P2RX3: variants seen among roughly 807,000 people sequenced by gnomAD.
The protein encoded by P2RX3 is purinergic receptor P2X 3.
In P2RX3, 41 loss-of-function variants were observed where a neutral mutation model predicts 51.5. That is an observed-to-expected ratio of 0.80 (90% CI 0.62 to 1.03). The LOEUF is 1.03. Among genes scored for constraint, P2RX3 ranks in the 50% least tolerant of loss-of-function variants. The pLI is 0.00. For missense variants in P2RX3, 459 were observed against 522.1 expected, an observed-to-expected ratio of 0.88 and a Z score of 1.18; for synonymous variants, 185 against 191.6, an observed-to-expected ratio of 0.97 and a Z score of 0.29.
At chr11:57,365,344 C>T (rs1342423017) in intron 8 of P2RX3, among the ~76,000 whole-genome samples, 4 of 152,216 alleles carry the variant, frequency 2.6e-5, no homozygotes, top group East Asian at 1.9e-4. Flanking sequence ...CCTAGGCTGG[C>T]GGGAGTGAGG....
At chr11:57,360,935 CT>C (rs1856708544) in intron 8 of P2RX3, among the ~76,000 whole-genome samples, 1 of 152,200 alleles carries the variant, frequency 6.6e-6, no homozygotes, top group South Asian at 2.1e-4. Context: ...AAAGGCAGCC[CT>C]GGGGGATGTC....
rs1172945142 is a variant in P2RX3, at chr11:57,348,319, C to T, written c.485+56C>T. 6 of 1,461,468 alleles carry T rather than the reference C, an allele frequency of 4.1e-6. No homozygotes were observed. In the East Asian group the frequency reaches 1.5e-4, roughly 35 times the overall value. 90.5% of individuals were successfully genotyped at this position (1,461,468 alleles called of 1,614,324 possible). A position where few individuals can be genotyped will look rare whatever the true frequency, so the allele number is the denominator to read the frequency against. Reference sequence around the variant, plus strand: ...GGCCCCCACCTCAGCTCCCCTTTGCCCATGTGGGAGCCGTGCGTCTCTGAG... The same window carrying T: ...GGCCCCCACCTCAGCTCCCCTTTGCTCATGTGGGAGCCGTGCGTCTCTGAG... On this transcript the variant is annotated intron_variant, in intron 5 of 11. Transcript: ENST00000263314.
At chr11:57,351,812 C>CT (rs1450083068) in intron 8 of P2RX3, among the ~76,000 whole-genome samples, 1 of 152,140 alleles carries the variant, frequency 6.6e-6, no homozygotes, top group African/African-American at 2.4e-5. Context: ...AAAGTGTAGA[C>CT]TACAAGGTCA....
intron 1 of P2RX3, among the ~76,000 whole-genome samples, chr11:57,341,079 G>A (rs531229358): frequency 6.6e-5 from 10 of 152,250 alleles, no homozygotes; most frequent in Middle Eastern, 3.4e-3. Flanking sequence ...ATTTTAACCC[G>A]TGTGTCTGTG....
At chr11:57,358,133 C>T (rs191860681) in intron 8 of P2RX3, among the ~76,000 whole-genome samples, 2 of 152,274 alleles carry the variant, frequency 1.3e-5, no homozygotes, top group East Asian at 1.9e-4. Flanking sequence ...ATTCAGCAAA[C>T]GTTTATTGAC....
chr11:57,343,605 C>T (rs1030302526), intron 1 of P2RX3, among the ~76,000 whole-genome samples: 6 of 152,308 alleles, frequency 3.9e-5, no homozygotes, highest in East Asian at 3.9e-4. Flanking sequence ...GTGAAAGATT[C>T]GGCTTAGCAA....
intron 1 of P2RX3, among the ~76,000 whole-genome samples, chr11:57,338,928 C>T (rs1216285944): frequency 1.3e-5 from 2 of 152,176 alleles, no homozygotes; most frequent in Admixed American, 1.3e-4. Flanking sequence ...GTAGTAGGGT[C>T]CCTGCCCCGG....
intron 8 of P2RX3, among the ~76,000 whole-genome samples, chr11:57,351,407 A>T (rs1028073089): frequency 6.6e-5 from 10 of 152,216 alleles, no homozygotes; most frequent in African/African-American, 2.2e-4. Flanking sequence ...TGGTTCTTCA[A>T]TGCCTCTCCA....
chr11:57,347,925 C>T (rs1856471149), intron 4 of P2RX3, among the ~76,000 whole-genome samples: 1 of 152,120 alleles, frequency 6.6e-6, no homozygotes. Context: ...AGGAAGGAAG[C>T]ACAAGAAGAA....
At chr11:57,359,623 G>A (rs1438554541) in intron 8 of P2RX3, among the ~76,000 whole-genome samples, 1 of 152,220 alleles carries the variant, frequency 6.6e-6, no homozygotes, top group Non-Finnish European at 1.5e-5. Flanking sequence ...TCACAGCCAT[G>A]CTGTGCTTTC....
chr11:57,362,331 G>A (rs1031339868), intron 8 of P2RX3, among the ~76,000 whole-genome samples: 5 of 152,134 alleles, frequency 3.3e-5, no homozygotes, highest in African/African-American at 1.2e-4. Flanking sequence ...GGTATCGAAT[G>A]GTCCTGTCAT....
At chr11:57,347,585 C>A in intron 4 of P2RX3, 107 bp downstream of exon 4, 1 of 1,266,988 alleles carries the variant, frequency 7.9e-7, no homozygotes, top group South Asian at 1.3e-5. Context: ...CCATGTCATT[C>A]TGCTGGCATT....
chr11:57,339,295 GAAAC>G lies in P2RX3; in HGVS notation c.119+632_119+635del, dbSNP rs1387873502. Among the ~76,000 whole-genome samples the G allele has an allele frequency of 2.0e-5, 3 of 152,140 alleles. 1 individual carries two copies. Among genetic ancestry groups the G allele is most frequent in the South Asian group, 4.1e-4 (2 of 4,824 alleles). ...AAAGAGGGAACTGCCCCTTGATGAGGAAACAAACAGAGGCCCAAGGGAAGAGTGG... is the reference window on the plus strand; with the variant it reads ...AAAGAGGGAACTGCCCCTTGATGAGGAAACAGAGGCCCAAGGGAAGAGTGG... On this transcript the variant is annotated intron_variant, in intron 1 of 11. Transcript: ENST00000263314.
intron 2 of P2RX3, 150 bp downstream of exon 2, chr11:57,346,829 CT>C: frequency 8.1e-7 from 1 of 1,228,764 alleles, no homozygotes; most frequent in Non-Finnish European, 1.1e-6. Context: ...CAGCTGAGAG[CT>C]GTGTGAGAGC....
chr11:57,353,540 C>CA (rs1308876250), intron 8 of P2RX3, among the ~76,000 whole-genome samples: 1 of 152,214 alleles, frequency 6.6e-6, no homozygotes, highest in Non-Finnish European at 1.5e-5. Context: ...ATGTGGTTGA[C>CA]ACTTTCATCC....
intron 8 of P2RX3, among the ~76,000 whole-genome samples, chr11:57,363,250 C>G (rs1856747310): frequency 6.6e-6 from 1 of 152,202 alleles, no homozygotes; most frequent in Admixed American, 6.5e-5. Flanking sequence ...CTTTCTTTGT[C>G]CCTTGGCAAA....
At chr11:57,337,762 C>G (rs1223076629), upstream of P2RX3, among the ~76,000 whole-genome samples, 1 of 152,198 alleles carries the variant, frequency 6.6e-6, no homozygotes, top group Non-Finnish European at 1.5e-5. Flanking sequence ...AACACACCAA[C>G]ATGGCACACG....
rs1008541843 is a variant in P2RX3, at chr11:57,347,393, C to T, written c.328-22C>T. 13 of 1,555,626 alleles carry T rather than the reference C, an allele frequency of 8.4e-6. No homozygotes were observed. In the Admixed American group the frequency reaches 2.1e-4, roughly 25 times the overall value. ...AGGCCAGGACAGTGTCCTTCACCAA[C>T]CTGTGACCCGTCTGCCCACAGAGTG... On this transcript the variant is annotated intron_variant, in intron 3 of 11. Transcript: ENST00000263314.
intron 5 of P2RX3, 114 bp downstream of exon 5, chr11:57,348,377 G>T: frequency 9.5e-7 from 1 of 1,047,584 alleles, no homozygotes; most frequent in South Asian, 1.6e-5. Context: ...CTCCAGTGTT[G>T]TCCCTTCCTG....
Sources: gnomAD v4.1 joint callset for allele counts (sites outside exome capture counted in the v4.1 genomes callset) on GRCh38, gnomAD v4.1.1 for gene constraint, MANE v1.5 for transcripts, NCBI Gene and HGNC (gene_info 2026-07-23, HGNC 2026-07-21) for gene names.